The following FGFR1 variants were observed in gnomAD, a reference collection of about 807,000 sequenced individuals.
FGFR1 encodes fibroblast growth factor receptor 1.
A neutral mutation model predicts 93.7 loss-of-function variants in FGFR1; 18 were observed. The ratio of observed to expected loss-of-function variants is 0.19; its 90% CI spans 0.13 to 0.28. The LOEUF is 0.28. FGFR1 is among the 10% of genes least tolerant of loss of function. The pLI is 1.00. For synonymous variants in FGFR1, 448 were observed against 429.3 expected (o/e 1.04, Z -0.54); for missense variants, 731 against 1,080.4 (o/e 0.68, Z 4.53).
chr8:38,440,399 C>A (rs372215821), intron 2 of FGFR1: 19 of 1,550,840 alleles, frequency 1.2e-5, no homozygotes, highest in Non-Finnish European at 1.7e-5. Context: ...TGGAGAGAGC[C>A]CCAAAAATGT....
In FGFR1 at chr8:38,457,498, C is replaced by A. The variant is rs760118068; in HGVS notation, c.-52G>T. 2 of 1,611,644 alleles carry A rather than the reference C, an allele frequency of 1.2e-6. No individual in the cohort carries two copies. The highest frequency in any genetic ancestry group is 3.4e-5 in the Admixed American group (2 of 59,584). ...ACAAGGCTCCACATCTCCATGGATA[C>A]TCCACAGTGAGCTCGATCCTCCTTT... On this transcript the variant is annotated 5_prime_UTR_variant, in exon 2 of 18. Transcript: ENST00000447712.
chr8:38,461,112 G>A (rs2151426333), intron 1 of FGFR1: 1 of 1,536,090 alleles, frequency 6.5e-7, no homozygotes, highest in Non-Finnish European at 8.7e-7. Context: ...TCCATCACAG[G>A]TGGTTATGAA....
At chr8:38,464,272 G>A (rs976251789) in intron 1 of FGFR1, among the ~76,000 whole-genome samples, 3 of 135,540 alleles carry the variant, frequency 2.2e-5, no homozygotes, top group Non-Finnish European at 4.6e-5. Flanking sequence ...CTGAGATAGC[G>A]CCACAGCACT....
intron 2 of FGFR1, among the ~76,000 whole-genome samples, chr8:38,451,678 T>C (rs1341502067): frequency 6.6e-6 from 1 of 152,076 alleles, no homozygotes; most frequent in South Asian, 2.1e-4. Context: ...CTCCTTCAAA[T>C]CTGGGTGGGT....
intron 1 of FGFR1, 134 bp downstream of exon 1, chr8:38,467,847 C>A (rs921309461): frequency 4.7e-6 from 1 of 213,522 alleles, no homozygotes; most frequent in East Asian, 6.9e-5. Flanking sequence ...GTGAAAGGGG[C>A]GGGCGGCGAG....
rs2150929646 is a variant in FGFR1, at chr8:38,428,375, T to C, written c.419A>G (p.Glu140Gly). 2 of 1,614,210 alleles carry C rather than the reference T, an allele frequency of 1.2e-6. No individual in the cohort carries two copies. The highest frequency in any genetic ancestry group is 1.7e-6 in the Non-Finnish European group (2 of 1,180,048). Reference sequence around the variant, plus strand: ...ACGGTTTGGTTTGGTGTTATCTGTTTCTTTCTCCTCTGAAGAGGAGTCATC... The same window carrying C: ...ACGGTTTGGTTTGGTGTTATCTGTTCCTTTCTCCTCTGAAGAGGAGTCATC... ...DDDDSSSEEK[E>G]TDNTKPNRMP... The change falls in exon 4 of 18, where the codon GAA becomes GGA. Residue 140 changes from glutamate (E) to glycine (G), a missense_variant. By Grantham distance (98) the Glu-to-Gly change is moderately conservative (BLOSUM62 -2). Coordinates refer to ENST00000447712, the MANE Select transcript of FGFR1 (RefSeq NM_023110.3).
Position 38,413,061 on chromosome 8 carries a change from C to A in FGFR1, c.*567G>T. On this transcript the variant is annotated 3_prime_UTR_variant, in exon 18 of 18. Coordinates refer to ENST00000447712, the MANE Select transcript of FGFR1 (RefSeq NM_023110.3). The surrounding 1 kb of genome is among the most constrained non-coding windows in gnomAD (Gnocchi z 4.2). ...GGCCACAACACTGCCCCCAACCTGG[C>A]CTTCGCCTCACCATCCTCTGGTACC... 4.2e-6 allele frequency: 1 copy of A among 238,348 alleles called. No individual in the cohort carries two copies. The highest frequency in any genetic ancestry group is 8.3e-6 in the Non-Finnish European group (1 of 121,058). 14.8% of individuals were successfully genotyped at this position (238,348 alleles called of 1,614,324 possible). A position where few individuals can be genotyped will look rare whatever the true frequency, so the allele number is the denominator to read the frequency against.
intron 2 of FGFR1, chr8:38,434,394 G>T: frequency 3.4e-6 from 1 of 296,632 alleles, no homozygotes; most frequent in Non-Finnish European, 6.6e-6. Context: ...TTGAGCATCT[G>T]CAATGGTGAC....
At position 38,426,257 on chromosome 8, in the gene FGFR1, T is replaced by C. The variant is rs778656117; in HGVS notation, c.622-12A>G. The C allele has an allele frequency of 6.2e-7, 1 of 1,613,986 alleles. No homozygotes were observed. The highest frequency in any genetic ancestry group is 8.5e-7 in the Non-Finnish European group (1 of 1,179,974). Reference sequence around the variant, plus strand: ...GTGGCATAACGGACCTGAGGGGAAATGCCAAAGGGATACATTGAGGGTCCA... The same window carrying C: ...GTGGCATAACGGACCTGAGGGGAAACGCCAAAGGGATACATTGAGGGTCCA... On this transcript the variant is annotated splice_polypyrimidine_tract_variant and intron_variant, in intron 5 of 17. Coordinates refer to ENST00000447712, the MANE Select transcript of FGFR1 (RefSeq NM_023110.3). This position sits in a 1 kb window ranked among gnomAD's most constrained non-coding sequence, Gnocchi z 4.1.
chr8:38,422,347 C>G, intron 7 of FGFR1: 1 of 431,024 alleles, frequency 2.3e-6, no homozygotes, highest in East Asian at 4.0e-5. Context: ...CACGCATACA[C>G]ACACGCACAT....
chr8:38,457,646 T>G, intron 1 of FGFR1, 112 bp from the exon 2 acceptor site: 6 of 1,063,982 alleles, frequency 5.6e-6, no homozygotes, highest in Non-Finnish European at 8.0e-6. Context: ...GTGGACTTAC[T>G]AAGGCGTCCA....
chr8:38,466,256 G>A (rs1377301426), intron 1 of FGFR1: 3 of 232,416 alleles, frequency 1.3e-5, no homozygotes, highest in Middle Eastern at 1.2e-3. Context: ...GCTTGCTCCG[G>A]GAGGGGCGCG....
chr8:38,417,250 C>T, intron 12 of FGFR1, 56 bp downstream of exon 12: 1 of 1,397,816 alleles, frequency 7.2e-7, no homozygotes. Context: ...GGACTGATAC[C>T]CCAGCTCAGA....
chr8:38,415,251 C>G (rs1334759396), intron 13 of FGFR1, among the ~76,000 whole-genome samples: 1 of 152,196 alleles, frequency 6.6e-6, no homozygotes, highest in Non-Finnish European at 1.5e-5. Context: ...CACTCACAGA[C>G]AGTTTCATTT....
At chr8:38,422,114 G>A in intron 7 of FGFR1, 173 bp from the exon 8 acceptor site, 2 of 729,888 alleles carry the variant, frequency 2.7e-6, no homozygotes, top group Non-Finnish European at 4.7e-6. Context: ...CCTGTTAGAG[G>A]AAGAGGGTGA....
Position 38,429,904 on chromosome 8 carries a change from G to A in FGFR1, c.136C>T (p.His46Tyr), listed in dbSNP as rs769061510. Residue 46 changes from histidine to tyrosine, a missense_variant, in exon 3 of 18, where the codon CAC (histidine) becomes TAC (tyrosine). Coordinates refer to ENST00000447712, the MANE Select transcript of FGFR1 (RefSeq NM_023110.3). The surrounding 1 kb of genome is among the most constrained non-coding windows in gnomAD (Gnocchi z 4.4). ...APVEVESFLV[H>Y]PGDLLQLRCR... ...CGAAGCTGCAGCAGGTCACCGGGGT[G>A]GACCAGGAAGGACTCCACTTCCACA... The A allele has an allele frequency of 8.7e-6, 14 of 1,613,412 alleles. No individual in the cohort carries two copies. The African/African-American group carries it at 1.7e-4, about 20-fold the overall frequency.
rs117995326 is a variant in FGFR1 at position 38,427,476 on chromosome 8, C to T, written c.621+445G>A. Among the ~76,000 whole-genome samples the T allele has an allele frequency of 9.4e-3, 1,436 of 152,272 alleles. 67 individuals carry two copies. In the East Asian group the frequency reaches 0.11, roughly 12 times the overall value. Reference sequence around the variant, plus strand: ...TGTATTTTTAGTACAGAGGAGGTTTCGCCATGTTGCCCAGGCTGGTCTCGA... The same window carrying T: ...TGTATTTTTAGTACAGAGGAGGTTTTGCCATGTTGCCCAGGCTGGTCTCGA... On this transcript the variant is annotated intron_variant, in intron 5 of 17. Coordinates refer to ENST00000447712, the MANE Select transcript of FGFR1 (RefSeq NM_023110.3).
rs567786510 is a variant in FGFR1, at chr8:38,468,552, C to T, written c.-660G>A. 355 of 228,780 alleles carry T rather than the reference C, an allele frequency of 1.6e-3. 2 individuals are homozygous for T. Among genetic ancestry groups the T allele is most frequent in the African/African-American group, 7.5e-3 (338 of 45,170 alleles). 14.2% of individuals were successfully genotyped at this position (228,780 alleles called of 1,614,324 possible). ...CGGGTTCCTCCGCGCGCTGCGGCTGCACCGGCGTCCCGGCTCCCGCTAGCT... is the reference window on the plus strand; with the variant it reads ...CGGGTTCCTCCGCGCGCTGCGGCTGTACCGGCGTCCCGGCTCCCGCTAGCT... On this transcript the variant is annotated 5_prime_UTR_variant, in exon 1 of 18. Transcript: ENST00000447712.
rs894411606 is a variant in FGFR1 at position 38,466,905 on chromosome 8, C to A, written c.-89+1076G>T. 4.5e-5 allele frequency among the ~76,000 whole-genome samples: 5 copies of A among 110,604 alleles called. 1 individual carries two copies. Among genetic ancestry groups the A allele is most frequent in the East Asian group, 5.4e-4 (2 of 3,734 alleles). 72.6% of individuals were successfully genotyped at this position (110,604 alleles called of 152,430 possible). Reference sequence around the variant, plus strand: ...CAGGCTTCACACCCCACCCCCCCCCCACCACCACCAAAAAAGTGTCTGGCT... The same window carrying A: ...CAGGCTTCACACCCCACCCCCCCCCAACCACCACCAAAAAAGTGTCTGGCT... On this transcript the variant is annotated intron_variant, in intron 1 of 17. Transcript: ENST00000447712.
Sources: allele counts gnomAD v4.1 joint callset (sites outside exome capture counted in the v4.1 genomes callset), GRCh38; gene constraint gnomAD v4.1.1; non-coding constraint Gnocchi (gnomAD v3.1); transcripts MANE v1.5; gene names NCBI Gene and HGNC (gene_info 2026-07-23, HGNC 2026-07-21).